Variants in DCAKD observed in about 807,000 individuals in gnomAD.
The protein encoded by DCAKD is dephospho-CoA kinase domain containing, also known as dephospho-CoA kinase domain-containing protein.
Under a neutral mutation model 18.7 loss-of-function variants are expected in DCAKD, and 15 were observed. That is an observed-to-expected ratio of 0.80 (90% CI 0.54 to 1.24). The LOEUF is 1.24. Ranked by LOEUF, DCAKD falls within the 50% of genes most tolerant of loss-of-function variation. The pLI is 0.00. For synonymous variants in DCAKD, 130 were observed against 133.0 expected, an observed-to-expected ratio of 0.98 and a Z score of 0.16; for missense variants, 301 against 322.0, an observed-to-expected ratio of 0.93 and a Z score of 0.50.
chr17:45,030,217 C>T, intron 3 of DCAKD, 38 bp from the exon 4 acceptor site: 3 of 1,578,754 alleles, frequency 1.9e-6, no homozygotes, highest in Non-Finnish European at 2.6e-6. Flanking sequence ...TTCAATTCTG[C>T]AAGCGCACAC....
At chr17:45,037,258 G>T (rs2053321418) in intron 1 of DCAKD, among the ~76,000 whole-genome samples, 1 of 151,946 alleles carries the variant, frequency 6.6e-6, no homozygotes, top group South Asian at 2.1e-4. Flanking sequence ...TTGAGACCAG[G>T]AGTTCGAGGC....
chr17:45,031,831 A>G, intron 3 of DCAKD: 2 of 985,470 alleles, frequency 2.0e-6, no homozygotes, highest in Non-Finnish European at 1.2e-6. Context: ...AGAAGTCCCC[A>G]ACAGCTGGTG....
chr17:45,046,615 C>CA (rs746591313), intron 1 of DCAKD, among the ~76,000 whole-genome samples: 12,499 of 49,100 alleles, frequency 0.25, 1,603 homozygotes, highest in African/African-American at 0.28. Flanking sequence ...GATTCCATCT[C>CA]AAAAAAAAAA....
upstream of DCAKD, among the ~76,000 whole-genome samples, chr17:45,053,181 A>C (rs867398460): frequency 1.6e-3 from 210 of 135,200 alleles, no homozygotes; most frequent in Middle Eastern, 3.9e-3. Flanking sequence ...AAAAAAAAAA[A>C]AAAAAAAAAA....
intron 3 of DCAKD, among the ~76,000 whole-genome samples, chr17:45,030,540 C>T (rs2053154299): frequency 6.6e-6 from 1 of 152,240 alleles, no homozygotes. Context: ...GCAGAGGCCT[C>T]AGGCCGTGTG....
chr17:45,039,276 T>C (rs2053374667), intron 1 of DCAKD, among the ~76,000 whole-genome samples: 1 of 152,198 alleles, frequency 6.6e-6, no homozygotes, highest in Non-Finnish European at 1.5e-5. Flanking sequence ...ACGACCACCT[T>C]TGATCACCTG....
At chr17:45,032,902 C>T (rs1272400047) in intron 3 of DCAKD, among the ~76,000 whole-genome samples, 1 of 152,204 alleles carries the variant, frequency 6.6e-6, no homozygotes, top group East Asian at 1.9e-4. Flanking sequence ...GCCACATGTG[C>T]CAAAGGCTGG....
chr17:45,027,990 TA>T (rs573749050), intron 4 of DCAKD, among the ~76,000 whole-genome samples: 1,347 of 115,342 alleles, frequency 0.012, 7 homozygotes, highest in Non-Finnish European at 0.015. Flanking sequence ...CATCTCAATT[TA>T]AAAAAAAAAA....
At chr17:45,056,989 G>C (rs978935056) in intron 1 of DCAKD, among the ~76,000 whole-genome samples, 1 of 149,736 alleles carries the variant, frequency 6.7e-6, no homozygotes, top group Non-Finnish European at 1.5e-5. Context: ...GGATGGTCTC[G>C]ATCCCCTGAC....
At chr17:45,031,463 G>A (rs1354658370) in intron 3 of DCAKD, 1 of 955,246 alleles carries the variant, frequency 1.0e-6, no homozygotes, top group Non-Finnish European at 1.2e-6. Context: ...CAGGATGATG[G>A]TAAAGATGAA....
At chr17:45,058,668 C>T (rs1393594694) in intron 1 of DCAKD, among the ~76,000 whole-genome samples, 15 of 150,146 alleles carry the variant, frequency 1.0e-4, no homozygotes, top group Admixed American at 7.3e-4. Flanking sequence ...GTGATCCACC[C>T]ACCTCGGCTT....
chr17:45,052,225 A>G (rs1169450027), upstream of DCAKD, among the ~76,000 whole-genome samples: 1 of 152,048 alleles, frequency 6.6e-6, no homozygotes, highest in African/African-American at 2.4e-5. Context: ...GGAGAGGGAG[A>G]GAGAGGAGAG....
intron 3 of DCAKD, chr17:45,031,638 C>G (rs2053172655): frequency 8.1e-6 from 8 of 985,392 alleles, no homozygotes; most frequent in Non-Finnish European, 9.6e-6. Context: ...CCTCTTATCT[C>G]CCTTTCCTGT....
chr17:45,024,441 AAGGCAGAAGGT>A lies in DCAKD; in HGVS notation c.677_687del (p.Tyr226LeufsTer138). ...CTGCCTTGAGTGCCCCACTAGGCGT[AAGGCAGAAGGT>A]AGTGGGTGAGCAGGTAGAGGAGGCT... On this transcript the variant is annotated frameshift_variant, in exon 5 of 5. Coordinates refer to ENST00000651974, the MANE Select transcript of DCAKD (RefSeq NM_001288655.2). LOFTEE classifies it high-confidence loss of function. The A allele has an allele frequency of 6.2e-7, 1 of 1,601,950 alleles. No individual in the cohort carries two copies. The highest frequency in any genetic ancestry group is 8.5e-7 in the Non-Finnish European group (1 of 1,170,130).
intron 1 of DCAKD, among the ~76,000 whole-genome samples, chr17:45,057,703 A>C (rs1194264358): frequency 7.5e-6 from 1 of 134,138 alleles, no homozygotes; most frequent in Non-Finnish European, 1.6e-5. Flanking sequence ...ACTCCATCTC[A>C]AAAAAAAAAA....
Position 45,030,166 on chromosome 17 carries a change from C to A in DCAKD, c.330G>T (p.Val110=). ...CAAACAGCAGGGGGATATCCAGAATCACGTAGCGGTATCCTGGGGAGAGGT... is the reference window on the plus strand; with the variant it reads ...CAAACAGCAGGGGGATATCCAGAATAACGTAGCGGTATCCTGGGGAGAGGT... ...FKYFLRGYRY[V]ILDIPLLFET... Residue 110 remains valine (V), a synonymous_variant, in exon 4 of 5, where the codon GTG becomes GTT. Coordinates refer to ENST00000651974, the MANE Select transcript of DCAKD (RefSeq NM_001288655.2). 5 of 1,614,122 alleles carry A rather than the reference C, an allele frequency of 3.1e-6. No individual in the cohort carries two copies. The South Asian group carries it at 5.5e-5, about 18-fold the overall frequency.
chr17:45,060,467 A>G lies in DCAKD; in HGVS notation c.-118+421T>C, dbSNP rs1383490747. 3.9e-5 allele frequency among the ~76,000 whole-genome samples: 6 copies of G among 152,060 alleles called. 1 individual carries two copies. The East Asian group carries it at 1.2e-3, about 29-fold the overall frequency. Reference sequence around the variant, plus strand: ...TTGATTGCAGTGAGCTGTGATCTTGAGCCATTGCGCTCCAGCCTGGGCGAC... The same window carrying G: ...TTGATTGCAGTGAGCTGTGATCTTGGGCCATTGCGCTCCAGCCTGGGCGAC... On this transcript the variant is annotated intron_variant, in intron 1 of 4. Coordinates refer to the DCAKD transcript ENST00000310604.
intron 1 of DCAKD, among the ~76,000 whole-genome samples, chr17:45,044,059 G>GT (rs1420023156): frequency 6.6e-6 from 1 of 152,142 alleles, no homozygotes; most frequent in Non-Finnish European, 1.5e-5. Context: ...AAAGCAGCTA[G>GT]TGTGATCCTT....
Position 45,051,611 on chromosome 17 carries a change from A to C in DCAKD, c.-365T>G, listed in dbSNP as rs1315458524. 1 of 150,142 alleles carries C rather than the reference A, an allele frequency of 6.7e-6. No individual in the cohort carries two copies. The highest frequency in any genetic ancestry group is 2.0e-4 in the East Asian group (1 of 4,976). The allele number at this position is 150,142 out of a possible 1,614,324, so 9.3% of individuals were successfully genotyped here. On this transcript the variant is annotated 5_prime_UTR_variant, in exon 1 of 5. Coordinates refer to ENST00000651974, the MANE Select transcript of DCAKD (RefSeq NM_001288655.2). ...CTAGCCCAATCTCCGCAGCGCTTAC[A>C]GGCCGGCTCAGCGGGCGAGGCGGGA...
Sources: allele counts gnomAD v4.1 joint callset (sites outside exome capture counted in the v4.1 genomes callset), GRCh38; gene constraint gnomAD v4.1.1; transcripts MANE v1.5; gene names NCBI Gene and HGNC (gene_info 2026-07-23, HGNC 2026-07-21).